ARHGAP24: variants seen among roughly 807,000 people sequenced by gnomAD.
ARHGAP24 encodes the protein rho GTPase-activating protein 24.
ARHGAP24 carries 50 observed loss-of-function variants against 76.4 expected under a neutral mutation model. The observed-to-expected ratio is 0.65, with a 90% CI of 0.52 to 0.83. The LOEUF is 0.83. Among genes scored for constraint, ARHGAP24 ranks in the 40% least tolerant of loss-of-function variants. The pLI, the probability that ARHGAP24 is intolerant of heterozygous loss-of-function variation, is 0.00. For synonymous variants in ARHGAP24, 345 were observed against 323.3 expected (o/e 1.07, Z -0.72); for missense variants, 930 against 914.2 (o/e 1.02, Z -0.22).
At chr4:85,652,777 C>T (rs1339780001) in intron 2 of ARHGAP24, among the ~76,000 whole-genome samples, 4 of 152,124 alleles carry the variant, frequency 2.6e-5, no homozygotes. Flanking sequence ...TGGTGTGCTT[C>T]CATGGCAGAG....
intron 2 of ARHGAP24, among the ~76,000 whole-genome samples, chr4:85,604,779 G>T (rs1720136791): frequency 6.6e-6 from 1 of 151,882 alleles, no homozygotes; most frequent in South Asian, 2.1e-4. Context: ...GTAGAAACGG[G>T]GTTTCACCAT....
At chr4:85,714,404 A>G (rs949175829) in intron 2 of ARHGAP24, among the ~76,000 whole-genome samples, 3 of 152,128 alleles carry the variant, frequency 2.0e-5, no homozygotes, top group Non-Finnish European at 4.4e-5. Context: ...TTTAAAATTA[A>G]ATGAGCCCAG....
In ARHGAP24 at chr4:85,561,344, T is replaced by C. The variant is rs1040448151; in HGVS notation, c.-20-9178T>C. On this transcript the variant is annotated intron_variant, in intron 1 of 9. Coordinates refer to ENST00000395184, the MANE Select transcript of ARHGAP24 (RefSeq NM_001025616.3). Reference sequence around the variant, plus strand: ...CTTCCCATAAACATATTTAGGCTCCTGGAATTTGTATCAGAGCTAAAACAA... The same window carrying C: ...CTTCCCATAAACATATTTAGGCTCCCGGAATTTGTATCAGAGCTAAAACAA... Among the ~76,000 whole-genome samples the C allele has an allele frequency of 5.9e-5, 9 of 152,342 alleles. No individual in the cohort carries two copies. The South Asian group carries it at 1.2e-3, about 21-fold the overall frequency.
At chr4:85,854,092 A>C (rs910516542) in intron 3 of ARHGAP24, among the ~76,000 whole-genome samples, 1 of 145,202 alleles carries the variant, frequency 6.9e-6, no homozygotes, top group East Asian at 2.0e-4. Context: ...CCAAGACCAC[A>C]CCATTGCCCT....
intron 1 of ARHGAP24, among the ~76,000 whole-genome samples, chr4:85,491,097 A>G (rs1723339333): frequency 6.6e-6 from 1 of 152,184 alleles, no homozygotes; most frequent in African/African-American, 2.4e-5. Flanking sequence ...TTGTTACTTT[A>G]GGTTGATCAA....
chr4:85,590,884 T>C (rs1030364973), intron 2 of ARHGAP24, among the ~76,000 whole-genome samples: 10 of 151,996 alleles, frequency 6.6e-5, no homozygotes, highest in Non-Finnish European at 1.3e-4. Flanking sequence ...TCATGACTTT[T>C]AAAAATATGT....
intron 1 of ARHGAP24, among the ~76,000 whole-genome samples, chr4:85,555,573 C>A (rs1052537947): frequency 6.6e-6 from 1 of 152,182 alleles, no homozygotes. Flanking sequence ...AGTGTGGAAT[C>A]CTCTCCCACT....
intron 2 of ARHGAP24, 199 bp downstream of exon 2, chr4:85,570,920 T>C (rs1727114650): frequency 1.8e-6 from 1 of 571,058 alleles, no homozygotes; most frequent in South Asian, 2.3e-5. Context: ...AGGCAAATTA[T>C]ACTTGTCTAA....
At position 85,477,373 on chromosome 4, in the gene ARHGAP24, A is replaced by G. The variant is rs1722640452; in HGVS notation, c.-21+1814A>G. On this transcript the variant is annotated intron_variant, in intron 1 of 9. Coordinates refer to ENST00000395184, the MANE Select transcript of ARHGAP24 (RefSeq NM_001025616.3). ...CCTGAATCTGAACTATTTTGAAAAT[A>G]TAAGCCTGATAAGAAGTGGGAAAGA... 2.0e-5 allele frequency among the ~76,000 whole-genome samples: 3 copies of G among 152,250 alleles called. No homozygotes were observed. The East Asian group carries it at 5.8e-4, about 29-fold the overall frequency.
At chr4:85,504,752 T>G (rs1723968147) in intron 1 of ARHGAP24, among the ~76,000 whole-genome samples, 1 of 152,220 alleles carries the variant, frequency 6.6e-6, no homozygotes, top group African/African-American at 2.4e-5. Context: ...GTCAATTTGA[T>G]CCTGTCATTA....
intron 3 of ARHGAP24, among the ~76,000 whole-genome samples, chr4:85,827,461 CGTGTGTGTGTGTGTGT>C (rs56379272): frequency 0.018 from 1,924 of 108,706 alleles, 38 homozygotes; most frequent in African/African-American, 0.054. Flanking sequence ...GAAGTCTGCC[CGTGTGTGTGTGTGTGT>C]GTGTGTGTGT....
At chr4:85,621,751 G>A (rs77997453) in intron 2 of ARHGAP24, among the ~76,000 whole-genome samples, 1,969 of 152,080 alleles carry the variant, frequency 0.013, 43 homozygotes, top group African/African-American at 0.045. Context: ...TCTGCTGTGC[G>A]CAAGCTCCTT....
At chr4:85,709,342 T>A (rs559377827) in intron 2 of ARHGAP24, among the ~76,000 whole-genome samples, 4 of 152,122 alleles carry the variant, frequency 2.6e-5, no homozygotes, top group Non-Finnish European at 5.9e-5. Flanking sequence ...TCATAACAGG[T>A]TACAAGATAA....
At chr4:85,476,341 T>C (rs923873176) in intron 1 of ARHGAP24, among the ~76,000 whole-genome samples, 4 of 152,138 alleles carry the variant, frequency 2.6e-5, no homozygotes, top group African/African-American at 9.7e-5. Context: ...CCAGACTTCT[T>C]TGTAGACTAT....
intron 3 of ARHGAP24, among the ~76,000 whole-genome samples, chr4:85,894,129 G>A (rs78729462): frequency 0.028 from 4,191 of 150,006 alleles, 139 homozygotes; most frequent in East Asian, 0.076. Context: ...TTTCAGGAAG[G>A]CAAGAGAAAA....
chr4:85,588,460 A>T (rs1560543239), intron 2 of ARHGAP24, among the ~76,000 whole-genome samples: 1 of 152,182 alleles, frequency 6.6e-6, no homozygotes, highest in Non-Finnish European at 1.5e-5. Context: ...TGAGTCCTGC[A>T]AATATCTGTT....
chr4:85,536,796 AT>A (rs982292761), intron 1 of ARHGAP24, among the ~76,000 whole-genome samples: 2 of 152,162 alleles, frequency 1.3e-5, no homozygotes, highest in Non-Finnish European at 2.9e-5. Flanking sequence ...ATAAATTCTC[AT>A]TAGGTAAGTT....
chr4:85,908,346 C>G (rs1734884730), intron 3 of ARHGAP24, among the ~76,000 whole-genome samples: 1 of 152,112 alleles, frequency 6.6e-6, no homozygotes, highest in Non-Finnish European at 1.5e-5. Context: ...ATCACAAGGT[C>G]CTGGTGGATA....
intron 2 of ARHGAP24, among the ~76,000 whole-genome samples, chr4:85,646,888 C>A (rs1045914500): frequency 1.3e-5 from 2 of 152,010 alleles, no homozygotes; most frequent in African/African-American, 4.8e-5. Flanking sequence ...ATTAGTAAAG[C>A]CTTGTATTCA....
Sources: gnomAD v4.1 joint callset for allele counts (sites outside exome capture counted in the v4.1 genomes callset) on GRCh38, gnomAD v4.1.1 for gene constraint, MANE v1.5 for transcripts, NCBI Gene and HGNC (gene_info 2026-07-23, HGNC 2026-07-21) for gene names.